Variants in SH3BP4 observed in about 807,000 individuals in gnomAD.
SH3BP4 encodes SH3 domain binding protein 4, also known as SH3 domain-binding protein 4.
Under a neutral mutation model 65.5 loss-of-function variants are expected in SH3BP4, and 33 were observed. The ratio of observed to expected loss-of-function variants is 0.50; its 90% CI spans 0.38 to 0.67. The LOEUF (loss-of-function observed/expected upper bound fraction) is 0.67. Ranked by LOEUF, SH3BP4 falls within the 30% of genes least tolerant of loss-of-function variation. The pLI is 0.00. For synonymous variants in SH3BP4, 552 were observed against 545.5 expected, an observed-to-expected ratio of 1.01 and a Z score of -0.17; for missense variants, 1,134 against 1,261.4, an observed-to-expected ratio of 0.90 and a Z score of 1.53.
At chr2:235,029,346 G>A (rs1695104169) in intron 2 of SH3BP4, among the ~76,000 whole-genome samples, 1 of 152,220 alleles carries the variant, frequency 6.6e-6, no homozygotes, top group South Asian at 2.1e-4. Flanking sequence ...TTTGGATCCA[G>A]GAAATTCAAG....
At chr2:234,998,110 G>A (rs1018878964) in intron 2 of SH3BP4, among the ~76,000 whole-genome samples, 2 of 151,958 alleles carry the variant, frequency 1.3e-5, no homozygotes, top group Non-Finnish European at 2.9e-5. Flanking sequence ...GCGACAGAGC[G>A]AGACTCCATC....
chr2:234,955,828 C>A (rs1457704080), intron 1 of SH3BP4, among the ~76,000 whole-genome samples: 1 of 152,178 alleles, frequency 6.6e-6, no homozygotes, highest in South Asian at 2.1e-4. Flanking sequence ...TGAATCCTCA[C>A]GAAAACTACC....
intron 1 of SH3BP4, among the ~76,000 whole-genome samples, chr2:234,964,628 G>C (rs1049914769): frequency 1.3e-5 from 2 of 152,132 alleles, no homozygotes; most frequent in African/African-American, 4.8e-5. Context: ...GGTGATTTAG[G>C]GGGGCAGTGG....
rs942305985 is a variant in SH3BP4, at chr2:235,025,588, G to T, written c.-132-9283G>T. 1.6e-4 allele frequency among the ~76,000 whole-genome samples: 25 copies of T among 152,326 alleles called. 1 individual carries two copies. The highest frequency in any genetic ancestry group is 3.4e-3 in the Middle Eastern group (1 of 294). ...TCTGTGGGAGACAATCCAAGCTTGG[G>T]CTGGGCACTGCGCTCAATGCTGGAA... On this transcript the variant is annotated intron_variant, in intron 2 of 5. Transcript: ENST00000392011.
chr2:235,005,437 C>T (rs1306286958), intron 2 of SH3BP4, among the ~76,000 whole-genome samples: 1 of 152,140 alleles, frequency 6.6e-6, no homozygotes, highest in Non-Finnish European at 1.5e-5. Context: ...TCCCCACTTC[C>T]CTGGCGTCAC....
intron 1 of SH3BP4, chr2:234,994,636 T>G (rs1170932859): frequency 6.6e-6 from 1 of 152,208 alleles, no homozygotes; most frequent in Non-Finnish European, 1.5e-5. Flanking sequence ...GCGGTGTGTC[T>G]GGGGTTCATC....
At chr2:235,003,093 C>A (rs760115186) in intron 2 of SH3BP4, among the ~76,000 whole-genome samples, 2 of 152,270 alleles carry the variant, frequency 1.3e-5, no homozygotes, top group Non-Finnish European at 2.9e-5. Context: ...TTGGATGCTA[C>A]GTTTCTTTAG....
At chr2:234,988,640 C>A (rs1171193463) in intron 1 of SH3BP4, among the ~76,000 whole-genome samples, 1 of 152,156 alleles carries the variant, frequency 6.6e-6, no homozygotes, top group Non-Finnish European at 1.5e-5. Context: ...TCCTCCACCG[C>A]CCTGCCAGGG....
At chr2:235,010,081 A>G (rs998627625) in intron 2 of SH3BP4, among the ~76,000 whole-genome samples, 21 of 121,954 alleles carry the variant, frequency 1.7e-4, no homozygotes, top group African/African-American at 4.6e-4. Flanking sequence ...GATCCCCCAA[A>G]CTACTGAGGG....
chr2:234,987,099 A>T (rs370461938), intron 1 of SH3BP4, among the ~76,000 whole-genome samples: 1 of 152,270 alleles, frequency 6.6e-6, no homozygotes, highest in East Asian at 1.9e-4. Context: ...GGCAGCATCA[A>T]CATCAGCTGG....
At chr2:234,970,819 G>A (rs1019368820) in intron 1 of SH3BP4, among the ~76,000 whole-genome samples, 2 of 151,818 alleles carry the variant, frequency 1.3e-5, no homozygotes, top group Admixed American at 6.6e-5. Flanking sequence ...TTTTTGCCTC[G>A]TAAAAGCAAT....
intron 1 of SH3BP4, among the ~76,000 whole-genome samples, chr2:234,957,043 GTC>G (rs1692604865): frequency 6.6e-6 from 1 of 151,616 alleles, no homozygotes; most frequent in South Asian, 2.1e-4. Flanking sequence ...TTTTTTTTGA[GTC>G]TCACTCTGTC....
rs142995468 is a variant in SH3BP4 at position 235,000,908 on chromosome 2, G to A, written c.-133+5532G>A. 1.4e-3 allele frequency among the ~76,000 whole-genome samples: 211 copies of A among 152,320 alleles called. 1 individual carries two copies. The highest frequency in any genetic ancestry group is 0.01 in the Middle Eastern group (3 of 294). On this transcript the variant is annotated intron_variant, in intron 2 of 5. Transcript: ENST00000392011. Reference sequence around the variant, plus strand: ...TCGCCCCAGCTGCTTGTGGGCAGGCGTCACCTTGTTCTGACCTCTTTCCTT... The same window carrying A: ...TCGCCCCAGCTGCTTGTGGGCAGGCATCACCTTGTTCTGACCTCTTTCCTT...
At chr2:234,959,185 C>T (rs1049646490) in intron 1 of SH3BP4, among the ~76,000 whole-genome samples, 2 of 152,192 alleles carry the variant, frequency 1.3e-5, no homozygotes, top group Non-Finnish European at 2.9e-5. Context: ...TCTTCCAGGC[C>T]CAGTTCACAC....
chr2:234,982,483 G>A (rs1378279600), intron 1 of SH3BP4, among the ~76,000 whole-genome samples: 3 of 152,198 alleles, frequency 2.0e-5, no homozygotes, highest in Non-Finnish European at 4.4e-5. Flanking sequence ...GGGCACAGGA[G>A]AAATTAAACC....
chr2:235,016,568 C>T (rs1694689707), intron 2 of SH3BP4, among the ~76,000 whole-genome samples: 2 of 152,010 alleles, frequency 1.3e-5, no homozygotes, highest in Admixed American at 6.5e-5. Flanking sequence ...AGTACAGTGG[C>T]GTAATCTCGG....
At chr2:235,001,925 A>G (rs1235883575) in intron 2 of SH3BP4, among the ~76,000 whole-genome samples, 1 of 151,928 alleles carries the variant, frequency 6.6e-6, no homozygotes, top group African/African-American at 2.4e-5. Context: ...CGGTGGCGCA[A>G]TCTCACCTCA....
At chr2:235,009,887 C>T (rs1169899548) in intron 2 of SH3BP4, among the ~76,000 whole-genome samples, 1 of 152,090 alleles carries the variant, frequency 6.6e-6, no homozygotes, top group Non-Finnish European at 1.5e-5. Context: ...CCGCTCGCCA[C>T]CTCCATGTCA....
intron 1 of SH3BP4, among the ~76,000 whole-genome samples, chr2:234,970,071 ACACTGT>A (rs1436937671): frequency 2.2e-5 from 3 of 138,618 alleles, no homozygotes; most frequent in African/African-American, 8.3e-5. Context: ...ACACACACTC[ACACTGT>A]CACTCACACA....
Sources: allele counts gnomAD v4.1 joint callset (sites outside exome capture counted in the v4.1 genomes callset), GRCh38; gene constraint gnomAD v4.1.1; transcripts MANE v1.5; gene names NCBI Gene and HGNC (gene_info 2026-07-23, HGNC 2026-07-21).